The following PALS1 variants were observed in gnomAD, a reference collection of about 807,000 sequenced individuals.
PALS1 encodes protein PALS1.
A neutral mutation model predicts 78.9 loss-of-function variants in PALS1; 31 were observed. The observed-to-expected ratio is 0.39, with a 90% CI of 0.30 to 0.53. The LOEUF (loss-of-function observed/expected upper bound fraction) is 0.53, where lower values mean the gene tolerates loss of function less well. PALS1 is among the 20% of genes least tolerant of loss of function. The pLI is 0.67. For missense variants in PALS1, 704 were observed against 826.5 expected (o/e 0.85, Z 1.82); for synonymous variants, 276 against 270.9 (o/e 1.02, Z -0.18).
At position 67,302,136 on chromosome 14, in the gene PALS1, T is replaced by TG; in HGVS notation, c.801+19dup. 1 of 1,581,372 alleles carries TG rather than the reference T, an allele frequency of 6.3e-7. No individual in the cohort carries two copies. Among genetic ancestry groups the TG allele is most frequent in the Non-Finnish European group, 8.6e-7 (1 of 1,167,042 alleles). ...TTCCGTTGGTAAGTGTCCCACATAC[T>TG]GTTTTTAAACAAGTGCATTTTTCTG... On this transcript the variant is annotated intron_variant, in intron 6 of 14. Coordinates refer to ENST00000261681, the MANE Select transcript of PALS1 (RefSeq NM_022474.4).
chr14:67,324,115 C>G (rs527809685), intron 14 of PALS1, among the ~76,000 whole-genome samples: 1 of 152,330 alleles, frequency 6.6e-6, no homozygotes, highest in South Asian at 2.1e-4. Context: ...TGACTTTTCT[C>G]TGTAGATACT....
At chr14:67,323,615 A>AATATATATATATTAGATT (rs1555340622) in intron 13 of PALS1, 87 bp from the exon 14 acceptor site, 119 of 260,098 alleles carry the variant, frequency 4.6e-4, no homozygotes, top group Non-Finnish European at 5.9e-4. Flanking sequence ...CCCTTAATCT[A>AATATATATATATTAGATT]ATATATATAT....
intron 4 of PALS1, among the ~76,000 whole-genome samples, chr14:67,295,820 T>C (rs1303242121): frequency 3.9e-5 from 6 of 152,228 alleles, no homozygotes; most frequent in Non-Finnish European, 8.8e-5. Context: ...CTAAAGCTAA[T>C]GTACCTATAT....
At chr14:67,309,126 T>C (rs924816391) in intron 8 of PALS1, among the ~76,000 whole-genome samples, 1 of 152,210 alleles carries the variant, frequency 6.6e-6, no homozygotes, top group Admixed American at 6.5e-5. Flanking sequence ...TGATCAGATA[T>C]ACTGTTCTGA....
chr14:67,310,457 G>A (rs927261221), intron 8 of PALS1, among the ~76,000 whole-genome samples: 6 of 152,168 alleles, frequency 3.9e-5, no homozygotes, highest in Non-Finnish European at 8.8e-5. Context: ...TGGAGGGGAT[G>A]GGATGGGTAG....
chr14:67,308,535 T>G (rs1306738649), intron 8 of PALS1, among the ~76,000 whole-genome samples: 1 of 141,248 alleles, frequency 7.1e-6, no homozygotes, highest in Non-Finnish European at 1.5e-5. Context: ...TCCAAATATT[T>G]TTTTCTTTTT....
At chr14:67,300,844 T>C (rs975856190) in intron 4 of PALS1, among the ~76,000 whole-genome samples, 1 of 152,030 alleles carries the variant, frequency 6.6e-6, no homozygotes, top group Non-Finnish European at 1.5e-5. Context: ...GTCAGTCTTT[T>C]TTTTTAATTA....
intron 1 of PALS1, among the ~76,000 whole-genome samples, chr14:67,244,937 AAGAG>A (rs1444792241): frequency 1.1e-4 from 16 of 152,276 alleles, no homozygotes; most frequent in African/African-American, 3.8e-4. Flanking sequence ...TAAAAAAGGA[AAGAG>A]AGAGGCAGAA....
intron 14 of PALS1, among the ~76,000 whole-genome samples, chr14:67,327,738 T>C (rs547128024): frequency 2.0e-3 from 309 of 151,960 alleles, no homozygotes; most frequent in African/African-American, 7.0e-3. Context: ...GAACATGCAG[T>C]GTTTGGTTTT....
At chr14:67,317,545 G>A (rs915785827) in intron 11 of PALS1, 66 bp downstream of exon 11, 4 of 1,074,622 alleles carry the variant, frequency 3.7e-6, no homozygotes, top group Non-Finnish European at 5.5e-6. Context: ...GTCCTGTTTT[G>A]CACCTTAATG....
chr14:67,324,330 T>C (rs1399142501), intron 14 of PALS1, among the ~76,000 whole-genome samples: 1 of 152,154 alleles, frequency 6.6e-6, no homozygotes, highest in African/African-American at 2.4e-5. Context: ...ACTGATAACA[T>C]GTTATTAATA....
chr14:67,306,097 G>A (rs1053616624), intron 8 of PALS1, among the ~76,000 whole-genome samples: 1 of 152,140 alleles, frequency 6.6e-6, no homozygotes, highest in African/African-American at 2.4e-5. Context: ...AGCCTCCCTA[G>A]TAGCTGAGAC....
intron 1 of PALS1, among the ~76,000 whole-genome samples, chr14:67,242,432 T>C (rs895839728): frequency 5.3e-5 from 8 of 152,206 alleles, no homozygotes; most frequent in Admixed American, 3.3e-4. Context: ...TGAAAGGTGT[T>C]AATATTTCTG....
chr14:67,280,240 CTTAG>C (rs2084583155), intron 3 of PALS1, among the ~76,000 whole-genome samples: 1 of 152,160 alleles, frequency 6.6e-6, no homozygotes, highest in African/African-American at 2.4e-5. Context: ...TGTTTCCAAA[CTTAG>C]AATATTTAAT....
At chr14:67,282,867 A>G (rs2084624492) in intron 3 of PALS1, among the ~76,000 whole-genome samples, 1 of 152,098 alleles carries the variant, frequency 6.6e-6, no homozygotes, top group South Asian at 2.1e-4. Flanking sequence ...AGAGTAGGGT[A>G]ATTTTCATAT....
intron 1 of PALS1, among the ~76,000 whole-genome samples, chr14:67,248,835 T>A (rs917201475): frequency 4.0e-5 from 6 of 150,676 alleles, no homozygotes; most frequent in African/African-American, 1.5e-4. Flanking sequence ...ATTTTATTTT[T>A]TTGAGATAGA....
chr14:67,284,546 C>CT (rs71129816), intron 3 of PALS1, among the ~76,000 whole-genome samples: 1 of 25,090 alleles, frequency 4.0e-5, no homozygotes, highest in Non-Finnish European at 7.7e-5. Flanking sequence ...GGCTGCAGTG[C>CT]TAAAAAAAAA....
chr14:67,278,357 A>G (rs971938169), intron 2 of PALS1, among the ~76,000 whole-genome samples: 1 of 147,256 alleles, frequency 6.8e-6, no homozygotes, highest in Non-Finnish European at 1.5e-5. Context: ...TTTTTTTTTT[A>G]ATGGGACCAG....
At chr14:67,312,847 A>G in intron 9 of PALS1, 137 bp downstream of exon 9, 2 of 631,140 alleles carry the variant, frequency 3.2e-6, no homozygotes, top group Non-Finnish European at 5.0e-6. Context: ...TTGGGTTTTT[A>G]TGTTGTACCT....
Sources: gnomAD v4.1 joint callset for allele counts (sites outside exome capture counted in the v4.1 genomes callset) on GRCh38, gnomAD v4.1.1 for gene constraint, MANE v1.5 for transcripts, NCBI Gene and HGNC (gene_info 2026-07-23, HGNC 2026-07-21) for gene names.